Variants in IPPK observed in about 807,000 individuals in gnomAD.
The protein encoded by IPPK is inositol-pentakisphosphate 2-kinase, also known as IPK1 homolog.
In IPPK, 22 loss-of-function variants were observed where a neutral mutation model predicts 64.6. The ratio of observed to expected loss-of-function variants is 0.34; its 90% CI spans 0.24 to 0.49. The LOEUF (loss-of-function observed/expected upper bound fraction) is 0.49, where lower values mean the gene tolerates loss of function less well. IPPK is among the 20% of genes least tolerant of loss of function. The pLI, the probability that IPPK is intolerant of heterozygous loss-of-function variation, is 0.99. For synonymous variants in IPPK, 262 were observed against 247.2 expected, an observed-to-expected ratio of 1.06 and a Z score of -0.56; for missense variants, 532 against 630.7, an observed-to-expected ratio of 0.84 and a Z score of 1.68.
At chr9:92,658,110 G>A (rs143739941) in intron 2 of IPPK, among the ~76,000 whole-genome samples, 1 of 152,334 alleles carries the variant, frequency 6.6e-6, no homozygotes, top group South Asian at 2.1e-4. Context: ...ACAGAGATTT[G>A]CACAGAAAGC....
intron 1 of IPPK, among the ~76,000 whole-genome samples, chr9:92,666,541 T>C (rs1852600939): frequency 6.6e-6 from 1 of 152,092 alleles, no homozygotes. Context: ...GGTCAGTGTC[T>C]GGAGCTCCAG....
At chr9:92,658,085 T>G (rs1195577931) in intron 2 of IPPK, among the ~76,000 whole-genome samples, 1 of 152,206 alleles carries the variant, frequency 6.6e-6, no homozygotes, top group Admixed American at 6.5e-5. Context: ...CGACTCGGTA[T>G]GCACCCCAGG....
At chr9:92,616,224 A>G (rs144488901) in intron 12 of IPPK, 167 bp from the exon 13 acceptor site, 2 of 574,008 alleles carry the variant, frequency 3.5e-6, no homozygotes, top group Non-Finnish European at 6.2e-6. Flanking sequence ...GAATGGCCTC[A>G]CACCCCAGCT....
chr9:92,655,092 C>T (rs1032511048), intron 3 of IPPK, among the ~76,000 whole-genome samples: 3 of 152,244 alleles, frequency 2.0e-5, no homozygotes, highest in African/African-American at 7.2e-5. Context: ...AGCGCCACAC[C>T]CACCGGGCAG....
intron 2 of IPPK, among the ~76,000 whole-genome samples, chr9:92,657,450 T>C (rs1235746143): frequency 2.0e-5 from 3 of 152,130 alleles, no homozygotes; most frequent in Non-Finnish European, 4.4e-5. Flanking sequence ...AGAGGAAATG[T>C]AGCCAACTGC....
At chr9:92,638,325 T>C (rs761535077) in intron 8 of IPPK, 45 bp from the exon 9 acceptor site, 10 of 1,583,702 alleles carry the variant, frequency 6.3e-6, no homozygotes, top group East Asian at 2.2e-5. Flanking sequence ...ACCACCAAGC[T>C]TGTAGGAAAA....
rs1171658356 is a variant in IPPK at position 92,614,380 on chromosome 9, C to CCGTGCACTT, written c.*1443_*1451dup. Reference sequence around the variant, plus strand: ...AGAGCCTGCGGCTTGTCCGTGAGCTCCGTGCACTTCACCAAAGCCCCCATC... The same window carrying CCGTGCACTT: ...AGAGCCTGCGGCTTGTCCGTGAGCTCCGTGCACTTCGTGCACTTCACCAAAGCCCCCATC... On this transcript the variant is annotated 3_prime_UTR_variant, in exon 13 of 13. Transcript: ENST00000287996. 1 of 152,320 alleles carries CCGTGCACTT rather than the reference C, an allele frequency of 6.6e-6. No individual in the cohort carries two copies. Among genetic ancestry groups the CCGTGCACTT allele is most frequent in the African/African-American group, 2.4e-5 (1 of 41,468 alleles). The allele number at this position is 152,320 out of a possible 1,614,324, so 9.4% of individuals were successfully genotyped here. A position where few individuals can be genotyped will look rare whatever the true frequency, so the allele number is the denominator to read the frequency against.
At chr9:92,661,806 C>CTACAGCCCA (rs1317282243) in intron 1 of IPPK, among the ~76,000 whole-genome samples, 2 of 152,266 alleles carry the variant, frequency 1.3e-5, no homozygotes, top group Non-Finnish European at 2.9e-5. Context: ...CACCTATTCT[C>CTACAGCCCA]TACAGCCCAT....
rs1315602338 is a variant in IPPK at position 92,638,593 on chromosome 9, TCAC to T, written c.637-316_637-314del. Reference sequence around the variant, plus strand: ...ATATTCAGAAGCCAAGAGCAAATGCTCACCACAAGTGACAAACTCCCAAAGCCA... The same window carrying T: ...ATATTCAGAAGCCAAGAGCAAATGCTCACAAGTGACAAACTCCCAAAGCCA... On this transcript the variant is annotated intron_variant, in intron 8 of 12. Transcript: ENST00000287996. Among the ~76,000 whole-genome samples, 8 of 152,296 alleles carry T rather than the reference TCAC, an allele frequency of 5.3e-5. No homozygotes were observed. In the South Asian group the frequency reaches 1.2e-3, roughly 24 times the overall value.
At chr9:92,644,895 A>G (rs1852121102) in intron 6 of IPPK, among the ~76,000 whole-genome samples, 1 of 152,296 alleles carries the variant, frequency 6.6e-6, no homozygotes. Context: ...AGTATTGCCC[A>G]TATACAACAA....
In IPPK at chr9:92,635,757, C is replaced by A. The variant is rs1009957858; in HGVS notation, c.917-449G>T. Among the ~76,000 whole-genome samples, 7 of 151,674 alleles carry A rather than the reference C, an allele frequency of 4.6e-5. No homozygotes were observed. Among genetic ancestry groups the A allele is most frequent in the African/African-American group, 1.7e-4 (7 of 41,302 alleles). Reference sequence around the variant, plus strand: ...CAGAGTCTTGCTCTCTGTGGCCCAGCCTGGAGTGCAGTGGCGTGATCTCGA... The same window carrying A: ...CAGAGTCTTGCTCTCTGTGGCCCAGACTGGAGTGCAGTGGCGTGATCTCGA... On this transcript the variant is annotated intron_variant, in intron 9 of 12. Coordinates refer to ENST00000287996, the MANE Select transcript of IPPK (RefSeq NM_022755.6). The surrounding 1 kb of genome is among the most constrained non-coding windows in gnomAD (Gnocchi z 4.4).
At chr9:92,619,995 G>A (rs1055573076) in intron 11 of IPPK, 9 of 188,982 alleles carry the variant, frequency 4.8e-5, no homozygotes, top group Admixed American at 1.0e-4. Context: ...GCAAGGCATC[G>A]CTTAGAACGA....
intron 11 of IPPK, among the ~76,000 whole-genome samples, chr9:92,626,192 T>C (rs1851729940): frequency 6.6e-6 from 1 of 152,006 alleles, no homozygotes; most frequent in South Asian, 2.1e-4. Flanking sequence ...GGTCAGGAGA[T>C]TGAGACCATC....
At chr9:92,657,348 CAA>C (rs548435995) in intron 2 of IPPK, among the ~76,000 whole-genome samples, 3 of 139,540 alleles carry the variant, frequency 2.1e-5, no homozygotes, top group African/African-American at 2.7e-5. Flanking sequence ...GACTCTGTCT[CAA>C]AAAAAAAAAA....
rs750253794 is a variant in IPPK, at chr9:92,635,219, C to G, written c.1006G>C (p.Glu336Gln). The change falls in exon 10 of 13, where the codon GAA becomes CAA. Residue 336 changes from glutamate (E) to glutamine (Q), a missense_variant. Physicochemically the swap from Glu to Gln is conservative, Grantham distance 29. Coordinates refer to ENST00000287996, the MANE Select transcript of IPPK (RefSeq NM_022755.6). This position sits in a 1 kb window ranked among gnomAD's most constrained non-coding sequence, Gnocchi z 4.4. ...QVQMLDLLDIEGLYPLYNRVE... is the reference protein window; with the variant it reads ...QVQMLDLLDIQGLYPLYNRVE... ...CGGTTGTACAGAGGGTAGAGGCCTTCGATGTCCAGCAGGTCCAACATCTGC... is the reference window on the plus strand; with the variant it reads ...CGGTTGTACAGAGGGTAGAGGCCTTGGATGTCCAGCAGGTCCAACATCTGC... 6 of 1,614,058 alleles carry G rather than the reference C, an allele frequency of 3.7e-6. No individual in the cohort carries two copies. The highest frequency in any genetic ancestry group is 5.1e-6 in the Non-Finnish European group (6 of 1,180,014).
At chr9:92,625,879 A>G (rs547799994) in intron 11 of IPPK, among the ~76,000 whole-genome samples, 1 of 152,346 alleles carries the variant, frequency 6.6e-6, no homozygotes, top group South Asian at 2.1e-4. Context: ...AAGGCAAACA[A>G]AATCAAGCAA....
intron 11 of IPPK, among the ~76,000 whole-genome samples, chr9:92,632,930 C>G (rs1851871675): frequency 6.6e-6 from 1 of 152,198 alleles, no homozygotes; most frequent in African/African-American, 2.4e-5. Context: ...CAGCTCGCTC[C>G]AGAACAGGTT....
chr9:92,656,377 G>A lies in IPPK; in HGVS notation c.225+79C>T, dbSNP rs1319836171. The A allele has an allele frequency of 2.8e-5, 26 of 914,964 alleles. No individual in the cohort carries two copies. In the Admixed American group the frequency reaches 4.3e-4, roughly 15 times the overall value. The allele number at this position is 914,964 out of a possible 1,614,324, so 56.7% of individuals were successfully genotyped here. A position where few individuals can be genotyped will look rare whatever the true frequency, so the allele number is the denominator to read the frequency against. ...GACGCGGGTTATCATTAAGCACAAAGTTCCAAAGATCACCGGGAAATTGGC... is the reference window on the plus strand; with the variant it reads ...GACGCGGGTTATCATTAAGCACAAAATTCCAAAGATCACCGGGAAATTGGC... On this transcript the variant is annotated intron_variant, in intron 3 of 12. Transcript: ENST00000287996.
At position 92,615,821 on chromosome 9, in the gene IPPK, C is replaced by T. The variant is rs2131408486; in HGVS notation, c.*11G>A. 1 of 1,587,444 alleles carries T rather than the reference C, an allele frequency of 6.3e-7. No homozygotes were observed. The highest frequency in any genetic ancestry group is 8.7e-7 in the Non-Finnish European group (1 of 1,155,852). On this transcript the variant is annotated 3_prime_UTR_variant, in exon 13 of 13. Coordinates refer to ENST00000287996, the MANE Select transcript of IPPK (RefSeq NM_022755.6). ...TTATGTTCAAGTTTCAAAGACACTG[C>T]AGGGAAAGAGTTAGACCTTGTGGAG...
Sources: allele counts gnomAD v4.1 joint callset (sites outside exome capture counted in the v4.1 genomes callset), GRCh38; gene constraint gnomAD v4.1.1; non-coding constraint Gnocchi (gnomAD v3.1); transcripts MANE v1.5; gene names NCBI Gene and HGNC (gene_info 2026-07-23, HGNC 2026-07-21).